Variants in MARCHF1 observed in about 807,000 individuals in gnomAD.
MARCHF1 encodes membrane associated ring-CH-type finger 1.
MARCHF1 carries 40 observed loss-of-function variants against 54.2 expected under a neutral mutation model. That is an observed-to-expected ratio of 0.74 (90% CI 0.57 to 0.96). MARCHF1 has a LOEUF of 0.96. Among genes scored for constraint, MARCHF1 ranks in the 40% least tolerant of loss-of-function variants. MARCHF1 has a pLI of 0.00. For missense variants in MARCHF1, 586 were observed against 656.5 expected, an observed-to-expected ratio of 0.89 and a Z score of 1.17; for synonymous variants, 236 against 236.3, an observed-to-expected ratio of 1.00 and a Z score of 0.01.
intron 2 of MARCHF1, among the ~76,000 whole-genome samples, chr4:164,076,820 T>C (rs912866439): frequency 2.6e-5 from 4 of 152,114 alleles, no homozygotes; most frequent in Non-Finnish European, 5.9e-5. Context: ...GAATACAACT[T>C]ACAGGGTATG....
intron 4 of MARCHF1, among the ~76,000 whole-genome samples, chr4:163,735,623 C>T (rs920471235): frequency 6.6e-6 from 1 of 152,102 alleles, no homozygotes; most frequent in African/African-American, 2.4e-5. Flanking sequence ...AACCTTAATT[C>T]CATTAATAAG....
intron 5 of MARCHF1, among the ~76,000 whole-genome samples, chr4:163,642,447 T>C (rs1441357653): frequency 6.6e-6 from 1 of 152,220 alleles, no homozygotes; most frequent in Non-Finnish European, 1.5e-5. Flanking sequence ...CACTATTTGC[T>C]TTAAAATATG....
At chr4:163,676,289 G>A (rs1311464629) in intron 5 of MARCHF1, among the ~76,000 whole-genome samples, 1 of 151,182 alleles carries the variant, frequency 6.6e-6, no homozygotes, top group African/African-American at 2.4e-5. Flanking sequence ...CGCGGGAGGC[G>A]GATGTTGCAG....
intron 1 of MARCHF1, among the ~76,000 whole-genome samples, chr4:164,232,112 C>T (rs1362269292): frequency 6.6e-6 from 1 of 152,070 alleles, no homozygotes; most frequent in Non-Finnish European, 1.5e-5. Flanking sequence ...GATTAGTTCA[C>T]AAAGAACAAA....
At chr4:163,899,636 C>G (rs4572833) in intron 3 of MARCHF1, among the ~76,000 whole-genome samples, 35,598 of 151,842 alleles carry the variant, frequency 0.23, 5,110 homozygotes, top group East Asian at 0.33. Context: ...TGTCCATATC[C>G]CAGGCCTCTC....
intron 2 of MARCHF1, among the ~76,000 whole-genome samples, chr4:164,025,206 A>C (rs1753740719): frequency 6.6e-6 from 1 of 152,106 alleles, no homozygotes; most frequent in African/African-American, 2.4e-5. Flanking sequence ...CTAACAAAAA[A>C]ATTCTGGACT....
intron 2 of MARCHF1, among the ~76,000 whole-genome samples, chr4:164,036,378 GA>G (rs1754002979): frequency 6.6e-6 from 1 of 152,022 alleles, no homozygotes; most frequent in Non-Finnish European, 1.5e-5. Flanking sequence ...AGGAGTATCA[GA>G]TAAAGAAAAA....
At chr4:164,002,535 A>T (rs910117084) in intron 2 of MARCHF1, among the ~76,000 whole-genome samples, 1 of 151,748 alleles carries the variant, frequency 6.6e-6, no homozygotes, top group Non-Finnish European at 1.5e-5. Context: ...CCAAAAAAAA[A>T]CTTAAAAAAC....
At chr4:163,812,326 C>CACATACATGTATACATATACACGTATAT (rs1748413580) in intron 4 of MARCHF1, among the ~76,000 whole-genome samples, 1 of 151,256 alleles carries the variant, frequency 6.6e-6, no homozygotes, top group Non-Finnish European at 1.5e-5. Flanking sequence ...TACATGTATA[C>CACATACATGTATACATATACACGTATAT]ACATACATGT....
intron 1 of MARCHF1, among the ~76,000 whole-genome samples, chr4:164,179,114 A>G (rs924146560): frequency 3.3e-5 from 5 of 152,140 alleles, no homozygotes; most frequent in African/African-American, 4.8e-5. Context: ...TTCTGTTTCT[A>G]TAAGTGGTTT....
At chr4:164,050,649 C>G (rs1304924889) in intron 2 of MARCHF1, among the ~76,000 whole-genome samples, 1 of 151,934 alleles carries the variant, frequency 6.6e-6, no homozygotes, top group Non-Finnish European at 1.5e-5. Context: ...CCACAGCAGA[C>G]CTAGTGAATT....
At chr4:164,040,747 G>A (rs959530106) in intron 2 of MARCHF1, among the ~76,000 whole-genome samples, 2 of 151,856 alleles carry the variant, frequency 1.3e-5, no homozygotes, top group African/African-American at 2.4e-5. Flanking sequence ...GCAAATGTTT[G>A]TTGTTACTTA....
intron 3 of MARCHF1, among the ~76,000 whole-genome samples, chr4:163,961,814 T>G (rs1296771526): frequency 6.6e-6 from 1 of 151,930 alleles, no homozygotes; most frequent in Non-Finnish European, 1.5e-5. Flanking sequence ...GCTCTGAGGA[T>G]AACTGCACTA....
intron 3 of MARCHF1, among the ~76,000 whole-genome samples, chr4:163,943,520 T>C (rs941093219): frequency 2.6e-5 from 4 of 152,064 alleles, no homozygotes; most frequent in African/African-American, 7.2e-5. Flanking sequence ...TTCTGGGCTA[T>C]AGGGTTCCAT....
intron 1 of MARCHF1, among the ~76,000 whole-genome samples, chr4:164,151,392 G>C (rs1413535882): frequency 1.3e-5 from 2 of 152,154 alleles, no homozygotes; most frequent in Admixed American, 1.3e-4. Flanking sequence ...GATATCCTTT[G>C]TTCTCAGACA....
intron 3 of MARCHF1, among the ~76,000 whole-genome samples, chr4:163,909,509 T>C (rs890422031): frequency 1.3e-5 from 2 of 152,196 alleles, no homozygotes; most frequent in Non-Finnish European, 2.9e-5. Context: ...TGTCTGTAAT[T>C]AAAAAGGTTT....
chr4:164,101,135 G>A (rs1203041872), intron 2 of MARCHF1, among the ~76,000 whole-genome samples: 1 of 152,192 alleles, frequency 6.6e-6, no homozygotes, highest in East Asian at 1.9e-4. Flanking sequence ...CTTGCTGATT[G>A]CTAGCACGGC....
chr4:163,900,067 C>T (rs760214662), intron 3 of MARCHF1, among the ~76,000 whole-genome samples: 1 of 152,022 alleles, frequency 6.6e-6, no homozygotes, highest in African/African-American at 2.4e-5. Flanking sequence ...CTTGCTTCCC[C>T]TTTTTATTTC....
chr4:163,840,046 A>C (rs2111127064), intron 4 of MARCHF1, among the ~76,000 whole-genome samples: 1 of 152,294 alleles, frequency 6.6e-6, no homozygotes, highest in African/African-American at 2.4e-5. Flanking sequence ...TGTAGATTTT[A>C]TAGACATTAA....
Sources: allele counts gnomAD v4.1 joint callset (sites outside exome capture counted in the v4.1 genomes callset), GRCh38; gene constraint gnomAD v4.1.1; transcripts MANE v1.5; gene names NCBI Gene and HGNC (gene_info 2026-07-23, HGNC 2026-07-21).